Variants in CACNA2D4 observed in about 807,000 individuals in gnomAD.
CACNA2D4 encodes the protein voltage-dependent calcium channel subunit alpha-2/delta-4.
Under a neutral mutation model 163.8 loss-of-function variants are expected in CACNA2D4, and 157 were observed. That is an observed-to-expected ratio of 0.96 (90% CI 0.84 to 1.09). The LOEUF (loss-of-function observed/expected upper bound fraction) is 1.09. Among genes scored for constraint, CACNA2D4 ranks in the 50% least tolerant of loss-of-function variants. The pLI, the probability that CACNA2D4 is intolerant of heterozygous loss-of-function variation, is 0.00. For synonymous variants in CACNA2D4, 598 were observed against 586.9 expected, an observed-to-expected ratio of 1.02 and a Z score of -0.27; for missense variants, 1,410 against 1,479.9, an observed-to-expected ratio of 0.95 and a Z score of 0.78.
chr12:1,845,396 G>C (rs1865122997), intron 24 of CACNA2D4, among the ~76,000 whole-genome samples: 1 of 149,782 alleles, frequency 6.7e-6, no homozygotes, highest in Non-Finnish European at 1.5e-5. Flanking sequence ...TGGGGGGGAG[G>C]AGGGGAGGGA....
At chr12:1,876,621 C>CT (rs138673858) in intron 16 of CACNA2D4, among the ~76,000 whole-genome samples, 4,334 of 152,240 alleles carry the variant, frequency 0.028, 198 homozygotes, top group African/African-American at 0.099. Context: ...TGTTTGTTCA[C>CT]TTTTTTCGGG....
intron 26 of CACNA2D4, chr12:1,831,012 A>T (rs769463592): frequency 6.2e-7 from 1 of 1,614,070 alleles, no homozygotes; most frequent in Non-Finnish European, 8.5e-7. Context: ...TGACAGCCGC[A>T]GCCTGGAGGT....
chr12:1,830,073 A>C (rs916814394), intron 26 of CACNA2D4, among the ~76,000 whole-genome samples: 7 of 152,248 alleles, frequency 4.6e-5, no homozygotes, highest in African/African-American at 1.7e-4. Flanking sequence ...GGGACCAGGA[A>C]ACGAATTCTA....
At chr12:1,858,987 C>A (rs962397678) in intron 19 of CACNA2D4, among the ~76,000 whole-genome samples, 1 of 152,226 alleles carries the variant, frequency 6.6e-6, no homozygotes, top group Non-Finnish European at 1.5e-5. Flanking sequence ...GGGGGTCCCA[C>A]AAACAGGAGC....
Position 1,882,901 on chromosome 12 carries a change from T to C in CACNA2D4, c.1451A>G (p.Asp484Gly). The C allele has an allele frequency of 1.2e-6, 2 of 1,613,816 alleles. No homozygotes were observed. The change falls in exon 13 of 38, where the codon GAC becomes GGC. Residue 484 changes from aspartate (D) to glycine (G), a missense_variant. Asp to Gly is a moderately conservative substitution (Grantham distance 94). Coordinates refer to ENST00000382722, the MANE Select transcript of CACNA2D4 (RefSeq NM_172364.5). ...CATGTAGGCCTCTGTCCAGATGATGTCGTGGTCGTGGTTGATGACCATGGG... is the reference window on the plus strand; with the variant it reads ...CATGTAGGCCTCTGTCCAGATGATGCCGTGGTCGTGGTTGATGACCATGGG... ...SRPMVINHDH[D>G]IIWTEAYMDS...
chr12:1,896,741 A>G (rs531574651), intron 6 of CACNA2D4, among the ~76,000 whole-genome samples: 1 of 152,260 alleles, frequency 6.6e-6, no homozygotes, highest in East Asian at 1.9e-4. Context: ...TATGGAAAAC[A>G]ATATGGTGAT....
chr12:1,896,639 ACACACAC>A (rs1866410410), intron 6 of CACNA2D4, among the ~76,000 whole-genome samples: 1 of 130,364 alleles, frequency 7.7e-6, no homozygotes, highest in East Asian at 2.5e-4. Context: ...ACACACACAC[ACACACAC>A]ACACACACAA....
At chr12:1,800,649 T>C (rs1863284715) in intron 31 of CACNA2D4, 4 of 605,262 alleles carry the variant, frequency 6.6e-6, no homozygotes, top group Non-Finnish European at 5.9e-6. Context: ...GAAATGCCTA[T>C]TGCAGGTCAG....
chr12:1,794,710 C>G lies in CACNA2D4; in HGVS notation c.3309+589G>C, dbSNP rs182434837. Among the ~76,000 whole-genome samples, 329 of 152,336 alleles carry G rather than the reference C, an allele frequency of 2.2e-3. 5 individuals carry two copies. Among genetic ancestry groups the G allele is most frequent in the Admixed American group, 0.017 (261 of 15,306 alleles). On this transcript the variant is annotated intron_variant, in intron 37 of 37. Coordinates refer to ENST00000382722, the MANE Select transcript of CACNA2D4 (RefSeq NM_172364.5). Reference sequence around the variant, plus strand: ...AGGCCAAGGCACGGGGTACGCAGAGCTCCCACACCCTTTCACCAATTCGGA... The same window carrying G: ...AGGCCAAGGCACGGGGTACGCAGAGGTCCCACACCCTTTCACCAATTCGGA...
chr12:1,912,201 C>T (rs991686763), intron 3 of CACNA2D4, among the ~76,000 whole-genome samples: 2 of 152,188 alleles, frequency 1.3e-5, no homozygotes, highest in Non-Finnish European at 1.5e-5. Flanking sequence ...CAACCACTCC[C>T]GATCTCCTCT....
rs113017661 is a variant in CACNA2D4 at position 1,841,945 on chromosome 12, G to A, written c.2471-1126C>T. On this transcript the variant is annotated intron_variant, in intron 25 of 37. Coordinates refer to ENST00000382722, the MANE Select transcript of CACNA2D4 (RefSeq NM_172364.5). Reference sequence around the variant, plus strand: ...AGAAATTTGCCCCATGATGACGAAGGGACAATTCCCCACCTTGTGTCTACA... The same window carrying A: ...AGAAATTTGCCCCATGATGACGAAGAGACAATTCCCCACCTTGTGTCTACA... 2.7e-3 allele frequency among the ~76,000 whole-genome samples: 404 copies of A among 152,280 alleles called. 1 individual carries two copies. Among genetic ancestry groups the A allele is most frequent in the Non-Finnish European group, 3.7e-3 (251 of 68,026 alleles).
At chr12:1,811,536 T>C (rs1863709814) in intron 27 of CACNA2D4, 126 bp downstream of exon 27, 3 of 948,970 alleles carry the variant, frequency 3.2e-6, no homozygotes, top group Admixed American at 4.3e-5. Flanking sequence ...CTGAGAAGTG[T>C]AGGGGCCGGG....
At chr12:1,839,463 C>A (rs1864963241) in intron 26 of CACNA2D4, among the ~76,000 whole-genome samples, 1 of 152,262 alleles carries the variant, frequency 6.6e-6, no homozygotes, top group Non-Finnish European at 1.5e-5. Flanking sequence ...TTGCTCTCAT[C>A]ATGTAAGCCA....
At chr12:1,862,741 C>T (rs1370194238) in intron 18 of CACNA2D4, among the ~76,000 whole-genome samples, 2 of 152,204 alleles carry the variant, frequency 1.3e-5, no homozygotes, top group Non-Finnish European at 2.9e-5. Flanking sequence ...TTGCATTTCT[C>T]TGATGACTAA....
chr12:1,910,847 A>G (rs1232885805), intron 3 of CACNA2D4, among the ~76,000 whole-genome samples: 3 of 152,068 alleles, frequency 2.0e-5, no homozygotes, highest in Non-Finnish European at 4.4e-5. Flanking sequence ...AGCTAAGAGG[A>G]AGGGGATAGG....
At chr12:1,882,568 G>A (rs1379949102) in intron 13 of CACNA2D4, among the ~76,000 whole-genome samples, 1 of 152,196 alleles carries the variant, frequency 6.6e-6, no homozygotes, top group African/African-American at 2.4e-5. Flanking sequence ...GGGAGGCGAG[G>A]ACTGTGGAGG....
intron 29 of CACNA2D4, among the ~76,000 whole-genome samples, chr12:1,805,732 G>T (rs370317301): frequency 1.1e-4 from 16 of 152,350 alleles, no homozygotes; most frequent in African/African-American, 3.6e-4. Flanking sequence ...GGGCCCAGTG[G>T]AGCAGGGCCA....
chr12:1,831,987 A>G (rs1177625878), intron 26 of CACNA2D4, among the ~76,000 whole-genome samples: 1 of 152,228 alleles, frequency 6.6e-6, no homozygotes, highest in Non-Finnish European at 1.5e-5. Context: ...TGAGAGGGGA[A>G]TAGAATGAAT....
At position 1,874,578 on chromosome 12, in the gene CACNA2D4, T is replaced by C. The variant is rs737102; in HGVS notation, c.1878+26A>G. On this transcript the variant is annotated intron_variant, in intron 18 of 37. Transcript: ENST00000382722. This position sits in a 1 kb window ranked among gnomAD's most constrained non-coding sequence, Gnocchi z 4.4. ...TTAATGAAGATGCCTTCCTAGGCCA[T>C]GCCCTGGCTGTTTCTAGCTCCTTAC... is the stretch of plus-strand genomic sequence containing the variant. The C allele has an allele frequency of 0.13, 196,072 of 1,541,524 alleles. 17,930 individuals are homozygous for C. Among genetic ancestry groups the C allele is most frequent in the African/African-American group, 0.47 (34,636 of 73,474 alleles).
Sources: allele counts gnomAD v4.1 joint callset (sites outside exome capture counted in the v4.1 genomes callset), GRCh38; gene constraint gnomAD v4.1.1; non-coding constraint Gnocchi (gnomAD v3.1); transcripts MANE v1.5; gene names NCBI Gene and HGNC (gene_info 2026-07-23, HGNC 2026-07-21).